Variants in CATSPERB observed in about 807,000 individuals in gnomAD.
CATSPERB encodes catsper channel auxiliary subunit beta.
A neutral mutation model predicts 128.3 loss-of-function variants in CATSPERB; 93 were observed. The observed-to-expected ratio is 0.72, with a 90% CI of 0.61 to 0.86. The LOEUF (loss-of-function observed/expected upper bound fraction) is 0.86, where lower values mean the gene tolerates loss of function less well. Ranked by LOEUF, CATSPERB falls within the 40% of genes least tolerant of loss-of-function variation. The pLI is 0.00. For missense variants in CATSPERB, 1,153 were observed against 1,329.5 expected (o/e 0.87, Z 2.06); for synonymous variants, 381 against 448.8 (o/e 0.85, Z 1.91).
intron 15 of CATSPERB, among the ~76,000 whole-genome samples, chr14:91,653,639 T>C (rs1894743835): frequency 6.6e-6 from 1 of 152,134 alleles, no homozygotes; most frequent in Admixed American, 6.5e-5. Flanking sequence ...TATAAACCCA[T>C]AAGATCTTGT....
intron 15 of CATSPERB, among the ~76,000 whole-genome samples, chr14:91,650,428 G>A (rs1175765140): frequency 6.6e-6 from 1 of 152,136 alleles, no homozygotes; most frequent in African/African-American, 2.4e-5. Flanking sequence ...AAATGAATAC[G>A]AATATGAATA....
intron 18 of CATSPERB, among the ~76,000 whole-genome samples, chr14:91,624,137 C>G (rs1894106073): frequency 1.3e-5 from 2 of 152,298 alleles, no homozygotes; most frequent in South Asian, 4.1e-4. Context: ...CACTCGAGGT[C>G]AGGAGTTTGA....
At chr14:91,661,778 C>T (rs1894891565) in intron 14 of CATSPERB, among the ~76,000 whole-genome samples, 1 of 151,884 alleles carries the variant, frequency 6.6e-6, no homozygotes, top group South Asian at 2.1e-4. Flanking sequence ...CCTGCCTTGG[C>T]CTCCCGAAGT....
At chr14:91,724,027 A>G (rs1896078627) in intron 3 of CATSPERB, among the ~76,000 whole-genome samples, 1 of 151,088 alleles carries the variant, frequency 6.6e-6, no homozygotes. Context: ...CGAATAAAAA[A>G]CAATATTTTC....
intron 5 of CATSPERB, among the ~76,000 whole-genome samples, chr14:91,714,513 T>C (rs1308160498): frequency 2.7e-5 from 4 of 150,810 alleles, no homozygotes; most frequent in African/African-American, 7.3e-5. Flanking sequence ...AATCAAAATA[T>C]TAAAAAGTAC....
intron 23 of CATSPERB, among the ~76,000 whole-genome samples, chr14:91,590,894 G>A (rs961855806): frequency 2.2e-4 from 33 of 151,602 alleles, no homozygotes; most frequent in African/African-American, 7.8e-4. Context: ...CTCATGATCC[G>A]CCCGCCTCGG....
At chr14:91,665,978 G>T (rs980949320) in intron 14 of CATSPERB, among the ~76,000 whole-genome samples, 16 of 152,186 alleles carry the variant, frequency 1.1e-4, no homozygotes, top group African/African-American at 3.9e-4. Context: ...AGGTGGAAGT[G>T]ATTGGATCAT....
intron 14 of CATSPERB, among the ~76,000 whole-genome samples, chr14:91,669,471 A>G (rs911959506): frequency 6.6e-6 from 1 of 152,198 alleles, no homozygotes; most frequent in Non-Finnish European, 1.5e-5. Flanking sequence ...AAAAAGGCAA[A>G]CATTAAATGC....
chr14:91,617,227 C>A (rs1218138612), intron 20 of CATSPERB, among the ~76,000 whole-genome samples: 1 of 151,978 alleles, frequency 6.6e-6, no homozygotes, highest in Non-Finnish European at 1.5e-5. Context: ...TAAATTGAAC[C>A]TATTAAATTG....
chr14:91,701,160 T>C (rs531682357), intron 7 of CATSPERB, among the ~76,000 whole-genome samples: 3 of 152,120 alleles, frequency 2.0e-5, no homozygotes, highest in Non-Finnish European at 2.9e-5. Context: ...GAGATTAAAC[T>C]TGTAAATGAA....
At chr14:91,658,702 A>C (rs1894826848) in intron 15 of CATSPERB, among the ~76,000 whole-genome samples, 1 of 143,312 alleles carries the variant, frequency 7.0e-6, no homozygotes, top group African/African-American at 2.6e-5. Flanking sequence ...TAAGAATAAA[A>C]TATTTTTAAA....
chr14:91,729,519 A>T, intron 1 of CATSPERB, 40 bp from the exon 2 acceptor site: 2 of 1,145,336 alleles, frequency 1.7e-6, no homozygotes, highest in Non-Finnish European at 2.6e-6. Flanking sequence ...TCAATTTCTG[A>T]ACATATTTTT....
chr14:91,619,773 T>A (rs1207754412), intron 19 of CATSPERB, among the ~76,000 whole-genome samples: 5 of 152,070 alleles, frequency 3.3e-5, no homozygotes, highest in Non-Finnish European at 5.9e-5. Context: ...CAATGGAGAC[T>A]GATTTTTCCC....
At chr14:91,714,277 C>CAAAAAAAAAAAAAAAG (rs1895896708) in intron 5 of CATSPERB, among the ~76,000 whole-genome samples, 3 of 111,296 alleles carry the variant, frequency 2.7e-5, no homozygotes, top group Non-Finnish European at 5.5e-5. Flanking sequence ...TACAATAAGG[C>CAAAAAAAAAAAAAAAG]AAAAAAAAAA....
intron 14 of CATSPERB, among the ~76,000 whole-genome samples, 155 bp from the exon 15 acceptor site, chr14:91,660,136 A>T (rs1323521421): frequency 6.6e-6 from 1 of 151,836 alleles, no homozygotes; most frequent in Non-Finnish European, 1.5e-5. Context: ...ACACACACAC[A>T]CACACACACT....
chr14:91,659,733 G>T, intron 15 of CATSPERB, 104 bp downstream of exon 15: 1 of 1,124,284 alleles, frequency 8.9e-7, no homozygotes, highest in Non-Finnish European at 1.3e-6. Flanking sequence ...ACCCCTAATA[G>T]TTTTGAGGTC....
chr14:91,654,990 C>T (rs1566719999), intron 15 of CATSPERB, among the ~76,000 whole-genome samples: 3 of 151,892 alleles, frequency 2.0e-5, no homozygotes, highest in African/African-American at 7.3e-5. Context: ...CCTGTAATAC[C>T]TGGTAATACA....
At chr14:91,657,889 G>A (rs567283326) in intron 15 of CATSPERB, among the ~76,000 whole-genome samples, 1 of 152,228 alleles carries the variant, frequency 6.6e-6, no homozygotes, top group African/African-American at 2.4e-5. Context: ...GTGAGGATGT[G>A]GAGAAAAGGG....
chr14:91,662,284 T>C (rs539971995), intron 14 of CATSPERB, among the ~76,000 whole-genome samples: 33 of 152,334 alleles, frequency 2.2e-4, no homozygotes, highest in African/African-American at 7.9e-4. Context: ...TTATTTTTGC[T>C]CCTTGTAAAA....
Sources: allele counts gnomAD v4.1 joint callset (sites outside exome capture counted in the v4.1 genomes callset), GRCh38; gene constraint gnomAD v4.1.1; transcripts MANE v1.5; gene names NCBI Gene and HGNC (gene_info 2026-07-23, HGNC 2026-07-21).